Variants in UBE2B observed in about 807,000 individuals in gnomAD.
The protein encoded by UBE2B is ubiquitin conjugating enzyme E2 B.
UBE2B carries 11 observed loss-of-function variants against 24.6 expected under a neutral mutation model. That is an observed-to-expected ratio of 0.45 (90% CI 0.28 to 0.74). The LOEUF (loss-of-function observed/expected upper bound fraction) is 0.74, where lower values mean the gene tolerates loss of function less well. Among genes scored for constraint, UBE2B ranks in the 30% least tolerant of loss-of-function variants. The probability of loss-of-function intolerance (pLI) is 0.13; values close to 1 mark genes in which losing one functional copy is unlikely to be tolerated. For synonymous variants in UBE2B, 68 were observed against 62.4 expected, an observed-to-expected ratio of 1.09 and a Z score of -0.42; for missense variants, 78 against 185.6, an observed-to-expected ratio of 0.42 and a Z score of 3.37.
chr5:134,373,192 T>C (rs1242449715), intron 1 of UBE2B, among the ~76,000 whole-genome samples: 1 of 152,210 alleles, frequency 6.6e-6, no homozygotes, highest in African/African-American at 2.4e-5. Flanking sequence ...ACCTACTAAT[T>C]ACTTTTTAAA....
intron 4 of UBE2B, among the ~76,000 whole-genome samples, chr5:134,382,225 G>A (rs1307332842): frequency 6.6e-6 from 1 of 152,112 alleles, no homozygotes; most frequent in Admixed American, 6.6e-5. Flanking sequence ...GGCCAAGGTG[G>A]GAAGGTTGCT....
At chr5:134,378,747 T>G (rs924174779) in intron 3 of UBE2B, among the ~76,000 whole-genome samples, 2 of 152,116 alleles carry the variant, frequency 1.3e-5, no homozygotes, top group African/African-American at 4.8e-5. Flanking sequence ...CAGGTTTGAA[T>G]ATATGGCAGA....
chr5:134,386,084 T>C (rs1021346851), intron 4 of UBE2B, among the ~76,000 whole-genome samples: 2 of 151,878 alleles, frequency 1.3e-5, no homozygotes, highest in Non-Finnish European at 2.9e-5. Context: ...CCCAGCACTT[T>C]GGGAGACCGA....
chr5:134,382,321 C>T (rs1561681536), intron 4 of UBE2B, among the ~76,000 whole-genome samples: 1 of 151,268 alleles, frequency 6.6e-6, no homozygotes, highest in Non-Finnish European at 1.5e-5. Context: ...GGCATGGTGG[C>T]GCACACCTGT....
At chr5:134,379,160 GAAT>G (rs1356353210) in intron 3 of UBE2B, among the ~76,000 whole-genome samples, 1 of 152,098 alleles carries the variant, frequency 6.6e-6, no homozygotes, top group African/African-American at 2.4e-5. Context: ...GATGTCCCAT[GAAT>G]AATAATACAA....
intron 4 of UBE2B, 35 bp downstream of exon 4, chr5:134,380,843 T>TG: frequency 2.1e-6 from 3 of 1,424,466 alleles, no homozygotes. Context: ...CAGATGATAG[T>TG]GGGGAAAAGA....
intron 3 of UBE2B, among the ~76,000 whole-genome samples, chr5:134,377,490 C>T (rs1758628511): frequency 6.6e-6 from 1 of 152,142 alleles, no homozygotes; most frequent in African/African-American, 2.4e-5. Context: ...GACATACTGT[C>T]TTAAGAGGAC....
chr5:134,378,355 G>T (rs1758646134), intron 3 of UBE2B, among the ~76,000 whole-genome samples: 1 of 152,086 alleles, frequency 6.6e-6, no homozygotes. Context: ...CGCCTCCGAG[G>T]TTCAAGTGAT....
chr5:134,379,029 GATACTT>G (rs1758656736), intron 3 of UBE2B, among the ~76,000 whole-genome samples: 1 of 151,936 alleles, frequency 6.6e-6, no homozygotes, highest in Non-Finnish European at 1.5e-5. Context: ...ACAGCTTCCT[GATACTT>G]ACTTTTTGAT....
At chr5:134,376,581 T>A in intron 2 of UBE2B, 88 bp from the exon 3 acceptor site, 1 of 1,416,004 alleles carries the variant, frequency 7.1e-7, no homozygotes, top group South Asian at 1.2e-5. Context: ...TCCCTCTTTT[T>A]CTGTTGAAGT....
chr5:134,372,532 A>AT (rs922601245), intron 1 of UBE2B, among the ~76,000 whole-genome samples: 2 of 152,256 alleles, frequency 1.3e-5, no homozygotes, highest in East Asian at 1.9e-4. Context: ...TTTTCTTAAC[A>AT]TTTTTTCTGG....
intron 2 of UBE2B, among the ~76,000 whole-genome samples, chr5:134,376,467 A>C (rs1052626878): frequency 1.4e-5 from 2 of 147,722 alleles, no homozygotes; most frequent in Non-Finnish European, 3.0e-5. Context: ...CCCTAAAAAG[A>C]AAGCTTAGAA....
rs1331755024 is a variant in UBE2B at position 134,371,649 on chromosome 5, T to C, written c.44+10T>C. ...TGCGGGATTTCAAGCGGTAAGGGCC[T>C]TCACCTTCGCCTAGATGACGGCCCC... On this transcript the variant is annotated intron_variant, in intron 1 of 5. Coordinates refer to ENST00000265339, the MANE Select transcript of UBE2B (RefSeq NM_003337.4). 2.5e-6 allele frequency: 4 copies of C among 1,612,854 alleles called. No individual in the cohort carries two copies. Among genetic ancestry groups the C allele is most frequent in the Admixed American group, 1.7e-5 (1 of 59,972 alleles).
intron 1 of UBE2B, among the ~76,000 whole-genome samples, chr5:134,372,944 T>A (rs1161274876): frequency 1.3e-5 from 2 of 152,218 alleles, no homozygotes; most frequent in Non-Finnish European, 2.9e-5. Context: ...CGTATTTGAT[T>A]AGCACTCATG....
intron 1 of UBE2B, 98 bp from the exon 2 acceptor site, chr5:134,374,285 G>C: frequency 9.4e-7 from 1 of 1,068,370 alleles, no homozygotes; most frequent in South Asian, 1.3e-5. Flanking sequence ...GAGTTAGTCT[G>C]TGTCTCAAAA....
chr5:134,384,322 T>A (rs1339135666), intron 4 of UBE2B, among the ~76,000 whole-genome samples: 1 of 152,188 alleles, frequency 6.6e-6, no homozygotes, highest in Non-Finnish European at 1.5e-5. Flanking sequence ...ACTTCATTTC[T>A]GTGAAGTTGC....
At chr5:134,372,573 A>C (rs1758489130) in intron 1 of UBE2B, among the ~76,000 whole-genome samples, 1 of 152,218 alleles carries the variant, frequency 6.6e-6, no homozygotes, top group African/African-American at 2.4e-5. Context: ...CAAAATATCT[A>C]GCATAAAAAC....
chr5:134,383,563 A>C (rs1009068301), intron 4 of UBE2B, among the ~76,000 whole-genome samples: 2 of 145,950 alleles, frequency 1.4e-5, no homozygotes, highest in Non-Finnish European at 3.0e-5. Flanking sequence ...GCTCACGGCA[A>C]CCTCTGCCTG....
intron 1 of UBE2B, among the ~76,000 whole-genome samples, chr5:134,373,467 A>T (rs1185227869): frequency 6.6e-6 from 1 of 152,164 alleles, no homozygotes; most frequent in East Asian, 1.9e-4. Flanking sequence ...GTCTATATAC[A>T]TCAATTCTTT....
Sources: allele counts gnomAD v4.1 joint callset (sites outside exome capture counted in the v4.1 genomes callset), GRCh38; gene constraint gnomAD v4.1.1; transcripts MANE v1.5; gene names NCBI Gene and HGNC (gene_info 2026-07-23, HGNC 2026-07-21).